The following ITGA7 variants were observed in gnomAD, a reference collection of about 807,000 sequenced individuals.
ITGA7 encodes integrin alpha-7.
ITGA7 carries 84 observed loss-of-function variants against 131.6 expected under a neutral mutation model. The ratio of observed to expected loss-of-function variants is 0.64; its 90% CI spans 0.54 to 0.77. The LOEUF is 0.77. Ranked by LOEUF, ITGA7 falls within the 30% of genes least tolerant of loss-of-function variation. ITGA7 has a pLI of 0.00. For missense variants in ITGA7, 1,399 were observed against 1,482.9 expected (o/e 0.94, Z 0.93); for synonymous variants, 548 against 600.7 (o/e 0.91, Z 1.28).
chr12:55,707,555 C>A lies in ITGA7; in HGVS notation c.128G>T (p.Arg43Leu), dbSNP rs794726901. The stretch of plus-strand genomic sequence containing the variant: ...GAGGCTGCCTGGCTCGCCCTCCTTG[C>A]GCAAGGCACCCATCACGTCCAGATT... ...AFNLDVMGAL[R>L]KEGEPGSLFG... The change falls in exon 1 of 25, where the codon CGC (arginine) becomes CTC (leucine). Residue 43 changes from arginine (R) to leucine (L), a missense_variant. Coordinates refer to ENST00000257879, the MANE Select transcript of ITGA7 (RefSeq NM_002206.3). 16 of 1,613,916 alleles carry A rather than the reference C, an allele frequency of 9.9e-6. No individual in the cohort carries two copies. In the Admixed American group the frequency reaches 1.3e-4, roughly 13 times the overall value.
At chr12:55,687,560 C>T (rs112252680) in intron 24 of ITGA7, among the ~76,000 whole-genome samples, 7,417 of 139,504 alleles carry the variant, frequency 0.053, 623 homozygotes, top group African/African-American at 0.18. Flanking sequence ...GGCGCCATCT[C>T]GGCTCACTGC....
Position 55,688,894 on chromosome 12 carries a change from C to T in ITGA7, c.2908G>A (p.Ala970Thr), listed in dbSNP as rs767472988. Residue 970 changes from alanine to threonine, a missense_variant, in exon 22 of 25, where the codon GCG (alanine) becomes ACG (threonine). Ala to Thr is a moderately conservative substitution (Grantham distance 58, BLOSUM62 0). Coordinates refer to ENST00000257879, the MANE Select transcript of ITGA7 (RefSeq NM_002206.3). ...FSCPLYSFDR[A>T]AVLHVWGRLW... ...CGGCCCCAGACATGCAGCACAGCCG[C>T]GCGGTCAAAGCTGTAGAGTGGGCAG... The T allele has an allele frequency of 8.7e-6, 14 of 1,614,058 alleles. No homozygotes were observed. Among genetic ancestry groups the T allele is most frequent in the Middle Eastern group, 1.6e-4 (1 of 6,062 alleles).
intron 3 of ITGA7, 159 bp from the exon 4 acceptor site, chr12:55,701,313 C>T (rs1873966352): frequency 1.3e-6 from 2 of 1,568,762 alleles, no homozygotes; most frequent in African/African-American, 2.7e-5. Context: ...CGGCACCACT[C>T]AAGCACCATT....
At chr12:55,707,456 T>C (rs1875448892) in intron 1 of ITGA7, 21 bp downstream of exon 1, 2 of 1,599,442 alleles carry the variant, frequency 1.3e-6, no homozygotes, top group East Asian at 2.2e-5. Context: ...ATGGCGACTC[T>C]GGGCGGGTGC....
At chr12:55,709,972 G>A (rs1875921238), upstream of ITGA7, among the ~76,000 whole-genome samples, 1 of 152,258 alleles carries the variant, frequency 6.6e-6, no homozygotes, top group African/African-American at 2.4e-5. Context: ...TGCTAGACCA[G>A]CCTAGTAAAT....
chr12:55,691,201 T>C (rs1871345861), intron 21 of ITGA7, among the ~76,000 whole-genome samples: 1 of 151,490 alleles, frequency 6.6e-6, no homozygotes, highest in South Asian at 2.1e-4. Context: ...TTAAGCAAAG[T>C]AAGCCAGATT....
chr12:55,696,157 T>C (rs1240466849), intron 13 of ITGA7, 126 bp downstream of exon 13: 1 of 1,024,460 alleles, frequency 9.8e-7, no homozygotes, highest in Non-Finnish European at 1.5e-6. Context: ...CCTAGAGATA[T>C]GAGGAATTAC....
In ITGA7 at chr12:55,692,900, G is replaced by A; in HGVS notation, c.2788C>T (p.Pro930Ser). Residue 930 changes from proline to serine, a missense_variant, in exon 21 of 25, where the codon CCC becomes TCC. Pro to Ser is a moderately conservative substitution (Grantham distance 74, BLOSUM62 -1). Transcript: ENST00000257879. ...EQQEPGERQE[P>S]SMSWWPVSSA... ...GACACTGGCCACCAGGACATGCTGGGCTCCTGCCGCTCACCAGGCTCCTGC... is the reference window on the plus strand; with the variant it reads ...GACACTGGCCACCAGGACATGCTGGACTCCTGCCGCTCACCAGGCTCCTGC... 1 of 1,614,030 alleles carries A rather than the reference G, an allele frequency of 6.2e-7. No individual in the cohort carries two copies. The highest frequency in any genetic ancestry group is 8.5e-7 in the Non-Finnish European group (1 of 1,179,998).
intron 21 of ITGA7, among the ~76,000 whole-genome samples, chr12:55,690,193 A>C (rs1437277139): frequency 6.6e-6 from 1 of 152,154 alleles, no homozygotes; most frequent in East Asian, 1.9e-4. Context: ...CAACCTACAA[A>C]ATGGGAGAAA....
Position 55,694,258 on chromosome 12 carries a change from T to TGCAATG in ITGA7, c.2424_2429dup (p.Ile809_Ala810dup), listed in dbSNP as rs1465823161. On this transcript the variant is annotated inframe_insertion, in exon 18 of 25. Coordinates refer to ENST00000257879, the MANE Select transcript of ITGA7 (RefSeq NM_002206.3). This position sits in a 1 kb window ranked among gnomAD's most constrained non-coding sequence, Gnocchi z 5.3. The stretch of plus-strand genomic sequence containing the variant: ...GTGCCCCCTTGGGCCAGGCTCACCC[T>TGCAATG]GCAATGGACAGTGGCAGCTCAATGA... 1.5e-5 allele frequency: 25 copies of TGCAATG among 1,613,978 alleles called. No homozygotes were observed. The highest frequency in any genetic ancestry group is 2.1e-5 in the Non-Finnish European group (25 of 1,180,038).
chr12:55,693,995 G>T, intron 19 of ITGA7, 26 bp downstream of exon 19: 6 of 1,570,376 alleles, frequency 3.8e-6, no homozygotes, highest in Non-Finnish European at 4.4e-6. Context: ...GGGTGACCAT[G>T]GAGGGGCCTC....
At chr12:55,696,189 G>T in intron 13 of ITGA7, 94 bp downstream of exon 13, 1 of 1,335,650 alleles carries the variant, frequency 7.5e-7, no homozygotes, top group South Asian at 1.3e-5. Flanking sequence ...ACGTGAAAGG[G>T]CTCTGTGAGC....
Position 55,693,180 on chromosome 12 carries a change from C to A in ITGA7, c.2673G>T (p.Gln891His). 3 of 1,614,118 alleles carry A rather than the reference C, an allele frequency of 1.9e-6. No homozygotes were observed. The highest frequency in any genetic ancestry group is 1.6e-4 in the Middle Eastern group (1 of 6,062). Residue 891 changes from glutamine to histidine, a missense_variant, in exon 20 of 25, where the codon CAG (glutamine) becomes CAT (histidine). Transcript: ENST00000257879. ...TGGGCCTGGGAGAGCAAAGCCCTTT[C>A]TGCCCAGGCCCCTGCCCGCCCTCCA... The part of the protein sequence containing the change: ...VELEGGQGPG[Q>H]KGLCSPRPNI...
At chr12:55,703,206 G>C (rs1368664043) in intron 1 of ITGA7, 28 bp from the exon 2 acceptor site, 1 of 1,603,366 alleles carries the variant, frequency 6.2e-7, no homozygotes, top group East Asian at 2.2e-5. Flanking sequence ...GGCAGGGACA[G>C]GGACAGGAGT....
At chr12:55,697,309 C>T (rs746208069) in intron 10 of ITGA7, 32 bp from the exon 11 acceptor site, 77 of 1,586,338 alleles carry the variant, frequency 4.9e-5, no homozygotes, top group Non-Finnish European at 6.3e-5. Context: ...CTGAGCCAAA[C>T]GAGGCTGATG....
rs1467487331 is a variant in ITGA7, at chr12:55,707,415, A to G, written c.206+62T>C. The G allele has an allele frequency of 3.0e-6, 4 of 1,338,402 alleles. No individual in the cohort carries two copies. The African/African-American group carries it at 5.8e-5, about 19-fold the overall frequency. 82.9% of individuals were successfully genotyped at this position (1,338,402 alleles called of 1,614,324 possible). A position where few individuals can be genotyped will look rare whatever the true frequency, so the allele number is the denominator to read the frequency against. On this transcript the variant is annotated intron_variant, in intron 1 of 24. Coordinates refer to ENST00000257879, the MANE Select transcript of ITGA7 (RefSeq NM_002206.3). ...AACAGAGAAATGAGGAGGCCCACAG[A>G]GTGGGGAGGGGGACGATCTGTGGCT...
chr12:55,688,843 C>A lies in ITGA7; in HGVS notation c.2958+1G>T. The A allele has an allele frequency of 6.2e-7, 1 of 1,611,122 alleles. No individual in the cohort carries two copies. Among genetic ancestry groups the A allele is most frequent in the Non-Finnish European group, 8.5e-7 (1 of 1,177,292 alleles). On this transcript the variant is annotated splice_donor_variant, in intron 22 of 24. Coordinates refer to ENST00000257879, the MANE Select transcript of ITGA7 (RefSeq NM_002206.3). LOFTEE classifies it high-confidence loss of function. ...AGACTAGAGCCGAGTGGTATCCTCA[C>A]CTCCAGAAAGGTGCTGTTCCAGAGA...
chr12:55,697,167 T>A, intron 11 of ITGA7, 49 bp downstream of exon 11: 1 of 1,572,414 alleles, frequency 6.4e-7, no homozygotes, highest in Non-Finnish European at 8.6e-7. Flanking sequence ...GTGACCCCCC[T>A]CCCTGGGAAA....
upstream of ITGA7, among the ~76,000 whole-genome samples, chr12:55,715,055 T>C (rs973597558): frequency 9.2e-5 from 14 of 152,094 alleles, no homozygotes; most frequent in Non-Finnish European, 2.1e-4. Context: ...GATACAAGGT[T>C]TCACCATGTT....
Sources: gnomAD v4.1 joint callset for allele counts (sites outside exome capture counted in the v4.1 genomes callset) on GRCh38, gnomAD v4.1.1 for gene constraint, Gnocchi (gnomAD v3.1) non-coding constraint, MANE v1.5 for transcripts, NCBI Gene and HGNC (gene_info 2026-07-23, HGNC 2026-07-21) for gene names.